KNTC1: variants seen among roughly 807,000 people sequenced by gnomAD.
The protein encoded by KNTC1 is kinetochore-associated protein 1.
In KNTC1, 253 loss-of-function variants were observed where a neutral mutation model predicts 314.4. The observed-to-expected ratio is 0.80, with a 90% CI of 0.73 to 0.89. The LOEUF (loss-of-function observed/expected upper bound fraction) is 0.89. Ranked by LOEUF, KNTC1 falls within the 40% of genes least tolerant of loss-of-function variation. The pLI is 0.00. For synonymous variants in KNTC1, 901 were observed against 901.4 expected, an observed-to-expected ratio of 1.00 and a Z score of 0.01; for missense variants, 2,475 against 2,572.9, an observed-to-expected ratio of 0.96 and a Z score of 0.82.
chr12:122,541,543 C>A (rs906101621), intron 5 of KNTC1, among the ~76,000 whole-genome samples: 4 of 149,910 alleles, frequency 2.7e-5, no homozygotes, highest in African/African-American at 9.8e-5. Flanking sequence ...GACGGGGTTT[C>A]ACCATGTTGG....
At chr12:122,552,992 A>G (rs886404550) in intron 16 of KNTC1, among the ~76,000 whole-genome samples, 7 of 152,006 alleles carry the variant, frequency 4.6e-5, no homozygotes, top group Admixed American at 1.3e-4. Flanking sequence ...AAAATACTGT[A>G]CTAACAATAC....
intron 19 of KNTC1, 128 bp from the exon 20 acceptor site, chr12:122,562,510 G>A: frequency 1.6e-6 from 1 of 621,104 alleles, no homozygotes; most frequent in Non-Finnish European, 3.0e-6. Flanking sequence ...AGTCCTATGG[G>A]AATTGAGTTG....
Position 122,572,948 on chromosome 12 carries a change from G to C in KNTC1, c.2031G>C (p.Gln677His). The change falls in exon 25 of 64, where the codon CAG becomes CAC. Residue 677 changes from glutamine (Q) to histidine (H), a missense_variant. Physicochemically the swap from Gln to His is conservative, Grantham distance 24. Coordinates refer to ENST00000333479, the MANE Select transcript of KNTC1 (RefSeq NM_014708.6). ...SWHWISLKDYQNTEEVCQLRT... is the reference protein window; with the variant it reads ...SWHWISLKDYHNTEEVCQLRT... ...CACTTTTGTTTTAGAAAGATTATCA[G>C]AACACAGAGGAAGTATGTCAGCTAA... The C allele has an allele frequency of 1.3e-6, 2 of 1,582,834 alleles. No homozygotes were observed. Among genetic ancestry groups the C allele is most frequent in the Non-Finnish European group, 1.7e-6 (2 of 1,158,896 alleles).
At chr12:122,615,709 C>G (rs987197101) in intron 57 of KNTC1, among the ~76,000 whole-genome samples, 183 bp downstream of exon 57, 1 of 152,102 alleles carries the variant, frequency 6.6e-6, no homozygotes, top group South Asian at 2.1e-4. Context: ...ATCACTTGAG[C>G]CCAGGAGTTT....
At chr12:122,540,994 G>T (rs1462686743) in intron 5 of KNTC1, among the ~76,000 whole-genome samples, 1 of 151,884 alleles carries the variant, frequency 6.6e-6, no homozygotes, top group East Asian at 1.9e-4. Context: ...AATATAGAGA[G>T]ACCGCCACCT....
intron 20 of KNTC1, 28 bp from the exon 21 acceptor site, chr12:122,568,233 G>T (rs774052108): frequency 5.4e-6 from 6 of 1,107,194 alleles, no homozygotes; most frequent in South Asian, 1.4e-5. Flanking sequence ...TTTTAAAACT[G>T]ACTTTTTTCC....
chr12:122,548,013 GA>G, intron 12 of KNTC1, 44 bp downstream of exon 12: 1 of 1,248,148 alleles, frequency 8.0e-7, no homozygotes, highest in Admixed American at 2.7e-5. Flanking sequence ...TTATGTGTTA[GA>G]AAAAGCATTA....
chr12:122,558,023 G>C (rs1384285267), intron 18 of KNTC1, among the ~76,000 whole-genome samples: 1 of 152,218 alleles, frequency 6.6e-6, no homozygotes, highest in African/African-American at 2.4e-5. Flanking sequence ...GCTGAGGTGG[G>C]TGGATCACCT....
intron 20 of KNTC1, among the ~76,000 whole-genome samples, chr12:122,567,652 A>T (rs1195936696): frequency 6.6e-6 from 1 of 152,044 alleles, no homozygotes; most frequent in Non-Finnish European, 1.5e-5. Context: ...CATCTAGCCA[A>T]CATGGTGAAA....
rs1565983599 is a variant in KNTC1 at position 122,582,882 on chromosome 12, A to G, written c.3160A>G (p.Arg1054Gly). ...CCCAAGCATGGAATCAAAGCTGCAC[A>G]GACAGGCACTGGCCCTGCAGATGTC... ...RSPSMESKLH[R>G]QALALQMSKQ... Residue 1054 changes from arginine (R) to glycine (G), a missense_variant, in exon 34 of 64, where the codon AGA becomes GGA. Arg to Gly is a moderately radical substitution (Grantham distance 125). Coordinates refer to ENST00000333479, the MANE Select transcript of KNTC1 (RefSeq NM_014708.6). 3.4e-5 allele frequency: 55 copies of G among 1,612,880 alleles called. No individual in the cohort carries two copies. Among genetic ancestry groups the G allele is most frequent in the Non-Finnish European group, 4.6e-5 (54 of 1,179,390 alleles).
At chr12:122,578,418 T>TTTTTC (rs1340577616) in intron 31 of KNTC1, among the ~76,000 whole-genome samples, 5 of 151,978 alleles carry the variant, frequency 3.3e-5, no homozygotes, top group Non-Finnish European at 5.9e-5. Flanking sequence ...TTGGGTTTTT[T>TTTTTC]TTTTCTTTTC....
chr12:122,568,131 T>C, intron 20 of KNTC1, 130 bp from the exon 21 acceptor site: 1 of 595,910 alleles, frequency 1.7e-6, no homozygotes, highest in Non-Finnish European at 3.0e-6. Flanking sequence ...GAACTGGGTT[T>C]TTTTTAGTTT....
intron 9 of KNTC1, 23 bp downstream of exon 9, chr12:122,546,292 CT>C: frequency 7.4e-7 from 1 of 1,351,084 alleles, no homozygotes; most frequent in Non-Finnish European, 1.1e-6. Flanking sequence ...AATGAAACTA[CT>C]TTAGACAATT....
At chr12:122,550,169 A>ACATATTTATGTAGCTAATTTT (rs1963089644) in intron 13 of KNTC1, among the ~76,000 whole-genome samples, 1 of 151,500 alleles carries the variant, frequency 6.6e-6, no homozygotes. Context: ...TATTGCTGTT[A>ACATATTTATGTAGCTAATTTT]CATATTTATG....
rs186319199 is a variant in KNTC1, at chr12:122,621,908, G to T, written c.6307G>T (p.Val2103Phe). Residue 2103 changes from valine to phenylalanine, a missense_variant, in exon 61 of 64, where the codon GTT becomes TTT. Coordinates refer to ENST00000333479, the MANE Select transcript of KNTC1 (RefSeq NM_014708.6). ...TTTTCTGGGTTCCTGTGACCCTCAGGTTATTTTAAAGCAATTGGAAGAGCA... is the reference window on the plus strand; with the variant it reads ...TTTTCTGGGTTCCTGTGACCCTCAGTTTATTTTAAAGCAATTGGAAGAGCA... ...KNFLGSCDPQ[V>F]ILKQLEEHMN... is the part of the protein sequence containing the mutation. 2.5e-3 allele frequency: 3,953 copies of T among 1,606,858 alleles called. 18 individuals are homozygous for T. Among genetic ancestry groups the T allele is most frequent in the Non-Finnish European group, 1.8e-3 (2,140 of 1,176,456 alleles).
At position 122,539,609 on chromosome 12, in the gene KNTC1, A is replaced by C; in HGVS notation, c.367-67A>C. ...TGATAATTGATAACTCTAGAGTTTAAAGAATAAAATCCTTGATTGTATTTT... is the reference window on the plus strand; with the variant it reads ...TGATAATTGATAACTCTAGAGTTTACAGAATAAAATCCTTGATTGTATTTT... On this transcript the variant is annotated intron_variant, in intron 4 of 63. Transcript: ENST00000333479. The C allele has an allele frequency of 4.5e-6, 5 of 1,113,002 alleles. No individual in the cohort carries two copies. In the South Asian group the frequency reaches 7.3e-5, roughly 16 times the overall value. The allele number at this position is 1,113,002 out of a possible 1,614,324, so 68.9% of individuals were successfully genotyped here.
At chr12:122,542,651 G>T (rs1389075849) in intron 6 of KNTC1, among the ~76,000 whole-genome samples, 3 of 152,134 alleles carry the variant, frequency 2.0e-5, no homozygotes, top group Non-Finnish European at 4.4e-5. Context: ...TGTAATCCCA[G>T]CTAGTCGGGA....
At chr12:122,607,474 G>A (rs941690580) in intron 51 of KNTC1, among the ~76,000 whole-genome samples, 23 of 152,012 alleles carry the variant, frequency 1.5e-4, no homozygotes, top group African/African-American at 4.6e-4. Context: ...TCCAATTTGC[G>A]CTTGTCTAAT....
chr12:122,593,836 C>T (rs146160227), intron 42 of KNTC1: 2,573 of 155,676 alleles, frequency 0.017, 68 homozygotes, highest in African/African-American at 0.053. Context: ...AAACTCCTGA[C>T]CTCAAGTGAT....
Sources: allele counts gnomAD v4.1 joint callset (sites outside exome capture counted in the v4.1 genomes callset), GRCh38; gene constraint gnomAD v4.1.1; transcripts MANE v1.5; gene names NCBI Gene and HGNC (gene_info 2026-07-23, HGNC 2026-07-21).